NEK10: variants seen among roughly 807,000 people sequenced by gnomAD.
NEK10 encodes NIMA related kinase 10.
Under a neutral mutation model 159.8 loss-of-function variants are expected in NEK10, and 122 were observed. That is an observed-to-expected ratio of 0.76 (90% confidence interval 0.66 to 0.89). The LOEUF (loss-of-function observed/expected upper bound fraction) is 0.89. Among genes scored for constraint, NEK10 ranks in the 40% least tolerant of loss-of-function variants. The pLI is 0.00. For missense variants in NEK10, 1,342 were observed against 1,323.1 expected (o/e 1.01, Z -0.22); for synonymous variants, 466 against 457.1 (o/e 1.02, Z -0.25).
chr3:27,248,971 T>C (rs1204918474), intron 23 of NEK10, among the ~76,000 whole-genome samples: 1 of 152,186 alleles, frequency 6.6e-6, no homozygotes, highest in Non-Finnish European at 1.5e-5. Context: ...GCTATTATTG[T>C]TGATAATGGT....
At chr3:27,237,697 T>C (rs938441147) in intron 23 of NEK10, among the ~76,000 whole-genome samples, 21 of 151,962 alleles carry the variant, frequency 1.4e-4, no homozygotes, top group African/African-American at 4.6e-4. Flanking sequence ...GGTGAGACTA[T>C]ATATTGGATA....
At chr3:27,345,652 T>G (rs2047500133) in intron 4 of NEK10, among the ~76,000 whole-genome samples, 1 of 152,184 alleles carries the variant, frequency 6.6e-6, no homozygotes, top group South Asian at 2.1e-4. Flanking sequence ...ACTTTCAATG[T>G]TAGAGGTGTG....
intron 26 of NEK10, among the ~76,000 whole-genome samples, chr3:27,185,883 T>C (rs62255216): frequency 0.23 from 34,740 of 152,046 alleles, 4,297 homozygotes; most frequent in Middle Eastern, 0.37. Flanking sequence ...TGCAATGATA[T>C]AATGCAAGAT....
At chr3:27,299,653 C>A (rs966415548) in intron 13 of NEK10, among the ~76,000 whole-genome samples, 1 of 152,166 alleles carries the variant, frequency 6.6e-6, no homozygotes, top group African/African-American at 2.4e-5. Flanking sequence ...ATGAAAGCAG[C>A]CGAGAGGGAA....
intron 22 of NEK10, among the ~76,000 whole-genome samples, chr3:27,263,543 C>T (rs2040607420): frequency 6.6e-6 from 1 of 152,214 alleles, no homozygotes; most frequent in Admixed American, 6.5e-5. Flanking sequence ...AGCCTCGCTG[C>T]CGCCTTGCAG....
Position 27,308,088 on chromosome 3 carries a change from A to G in NEK10, c.717-143T>C, listed in dbSNP as rs900930770. 3.2e-5 allele frequency: 18 copies of G among 561,034 alleles called. No individual in the cohort carries two copies. In the Admixed American group the frequency reaches 6.6e-4, roughly 20 times the overall value. The allele number at this position is 561,034 out of a possible 1,614,324, so 34.8% of individuals were successfully genotyped here. The stretch of plus-strand genomic sequence containing the variant: ...AGGTTTACTTGACTCACAGTTCAGC[A>G]TGGCTAGGGAGGCCTCAGGAAACTT... On this transcript the variant is annotated intron_variant, in intron 10 of 35. Transcript: ENST00000691995.
chr3:27,220,921 A>G (rs1255254589), intron 23 of NEK10, among the ~76,000 whole-genome samples: 1 of 152,208 alleles, frequency 6.6e-6, no homozygotes, highest in Non-Finnish European at 1.5e-5. Flanking sequence ...ATTCAATAGG[A>G]AAAGAAGTTA....
At chr3:27,355,374 A>G (rs2048261055) in intron 1 of NEK10, among the ~76,000 whole-genome samples, 1 of 152,074 alleles carries the variant, frequency 6.6e-6, no homozygotes, top group South Asian at 2.1e-4. Flanking sequence ...AAGTCACTAT[A>G]TGGATGCCTA....
At chr3:27,260,431 C>T (rs867162046) in intron 22 of NEK10, among the ~76,000 whole-genome samples, 2 of 152,126 alleles carry the variant, frequency 1.3e-5, no homozygotes, top group African/African-American at 2.4e-5. Flanking sequence ...TAGCATGAAG[C>T]GTTGTTGAAT....
At chr3:27,274,499 T>C (rs1393310450) in intron 22 of NEK10, among the ~76,000 whole-genome samples, 1 of 152,076 alleles carries the variant, frequency 6.6e-6, no homozygotes, top group Non-Finnish European at 1.5e-5. Context: ...TTCTTCAGAA[T>C]GGGGTTTGTT....
chr3:27,240,125 C>T (rs1282912989), intron 23 of NEK10, among the ~76,000 whole-genome samples: 1 of 152,148 alleles, frequency 6.6e-6, no homozygotes, highest in Non-Finnish European at 1.5e-5. Flanking sequence ...ACTGTAAATA[C>T]AGTGAGGAGT....
intron 5 of NEK10, among the ~76,000 whole-genome samples, chr3:27,341,286 C>T (rs1038156506): frequency 6.6e-6 from 1 of 152,082 alleles, no homozygotes; most frequent in Admixed American, 6.6e-5. Flanking sequence ...CATCATTTGA[C>T]AGCAGAATCG....
chr3:27,194,293 A>AG, intron 25 of NEK10: 1 of 152,006 alleles, frequency 6.6e-6, no homozygotes, highest in Non-Finnish European at 1.5e-5. Context: ...CGCCCGGCTA[A>AG]TTTTTTTGTA....
chr3:27,236,748 G>A (rs928149496), intron 23 of NEK10, among the ~76,000 whole-genome samples: 6 of 152,110 alleles, frequency 3.9e-5, no homozygotes, highest in African/African-American at 9.7e-5. Flanking sequence ...CAAGGCAAAG[G>A]GCAAAGCAAA....
At chr3:27,331,970 AC>A (rs2046452248) in intron 5 of NEK10, among the ~76,000 whole-genome samples, 1 of 152,200 alleles carries the variant, frequency 6.6e-6, no homozygotes, top group African/African-American at 2.4e-5. Flanking sequence ...ATAAGGTCAT[AC>A]TAAATGGTTT....
intron 1 of NEK10, among the ~76,000 whole-genome samples, chr3:27,368,604 G>A (rs1337843297): frequency 2.0e-5 from 3 of 152,164 alleles, no homozygotes; most frequent in Non-Finnish European, 4.4e-5. Context: ...AATGGATAGT[G>A]ATGCCCAAAA....
intron 1 of NEK10, chr3:27,367,630 T>A (rs938317116): frequency 6.6e-5 from 10 of 152,236 alleles, no homozygotes; most frequent in African/African-American, 2.4e-4. Flanking sequence ...AGTTAACAAG[T>A]ATTTGTTGAA....
chr3:27,285,293 A>G (rs1388685704), intron 20 of NEK10, among the ~76,000 whole-genome samples: 1 of 152,196 alleles, frequency 6.6e-6, no homozygotes, highest in Non-Finnish European at 1.5e-5. Context: ...ATCTCCAGTC[A>G]TGGAGGATTC....
At chr3:27,147,043 C>A (rs886365386) in intron 30 of NEK10, among the ~76,000 whole-genome samples, 1 of 152,182 alleles carries the variant, frequency 6.6e-6, no homozygotes, top group Non-Finnish European at 1.5e-5. Context: ...GGAAGAGGAT[C>A]ATACAGTTGA....
Sources: allele counts gnomAD v4.1 joint callset (sites outside exome capture counted in the v4.1 genomes callset), GRCh38; gene constraint gnomAD v4.1.1; transcripts MANE v1.5; gene names NCBI Gene and HGNC (gene_info 2026-07-23, HGNC 2026-07-21).